FABP12: variants seen among roughly 807,000 people sequenced by gnomAD.
The protein encoded by FABP12 is fatty acid-binding protein 12.
A neutral mutation model predicts 13.7 loss-of-function variants in FABP12; 19 were observed. The observed-to-expected ratio is 1.39, with a 90% CI of 0.97 to 2.04. The LOEUF (loss-of-function observed/expected upper bound fraction) is 2.04. Ranked by LOEUF, FABP12 falls within the 30% of genes most tolerant of loss-of-function variation. The probability of loss-of-function intolerance (pLI) is 0.00; values close to 1 mark genes in which losing one functional copy is unlikely to be tolerated. For missense variants in FABP12, 182 were observed against 164.2 expected (o/e 1.11, Z -0.59); for synonymous variants, 61 against 57.0 (o/e 1.07, Z -0.32).
At chr8:81,528,582 AT>A in intron 3 of FABP12, among the ~76,000 whole-genome samples, 1 of 152,302 alleles carries the variant, frequency 6.6e-6, no homozygotes, top group East Asian at 1.9e-4. Context: ...GAGTTCATTC[AT>A]TCAAATAATA....
At chr8:81,560,582 A>G (rs1809706491) in intron 1 of FABP12, among the ~76,000 whole-genome samples, 1 of 152,240 alleles carries the variant, frequency 6.6e-6, no homozygotes, top group Non-Finnish European at 1.5e-5. Context: ...CCAGAGGAAC[A>G]CAACTTTGAA....
At chr8:81,578,985 C>T (rs1810107850) in intron 1 of FABP12, among the ~76,000 whole-genome samples, 1 of 151,472 alleles carries the variant, frequency 6.6e-6, no homozygotes, top group Non-Finnish European at 1.5e-5. Flanking sequence ...CCCGCCACCA[C>T]ACCCAGCTAA....
chr8:81,528,816 A>C (rs1009615770), intron 3 of FABP12, among the ~76,000 whole-genome samples: 5 of 152,168 alleles, frequency 3.3e-5, no homozygotes, highest in African/African-American at 1.2e-4. Flanking sequence ...AGACAATAAA[A>C]AGCCCATGTC....
At chr8:81,570,749 C>T (rs1177910115) in intron 1 of FABP12, among the ~76,000 whole-genome samples, 1 of 152,126 alleles carries the variant, frequency 6.6e-6, no homozygotes, top group Non-Finnish European at 1.5e-5. Context: ...ATCTCTCAGT[C>T]CTCTGCTGTG....
At chr8:81,573,670 G>C (rs1563556703) in intron 1 of FABP12, among the ~76,000 whole-genome samples, 1 of 151,990 alleles carries the variant, frequency 6.6e-6, no homozygotes, top group Non-Finnish European at 1.5e-5. Context: ...CGATTCCTTG[G>C]TTAGGTATAT....
At chr8:81,541,845 G>A (rs921976889) in intron 1 of FABP12, among the ~76,000 whole-genome samples, 10 of 128,306 alleles carry the variant, frequency 7.8e-5, no homozygotes, top group Admixed American at 1.5e-4. Flanking sequence ...ATAGGACAGC[G>A]TGTAGAAATA....
At chr8:81,545,099 C>T (rs931314856) in intron 1 of FABP12, among the ~76,000 whole-genome samples, 2 of 152,138 alleles carry the variant, frequency 1.3e-5, no homozygotes, top group Non-Finnish European at 2.9e-5. Context: ...TGGCTCACTG[C>T]AACCTCCACC....
At chr8:81,539,492 G>A (rs1378948060) in intron 2 of FABP12, among the ~76,000 whole-genome samples, 6 of 104,038 alleles carry the variant, frequency 5.8e-5, no homozygotes, top group African/African-American at 1.5e-4. Context: ...ACCCACTCCC[G>A]TCAATTTTCT....
chr8:81,569,129 C>A (rs116172795), intron 1 of FABP12, among the ~76,000 whole-genome samples: 2,184 of 152,082 alleles, frequency 0.014, 43 homozygotes, highest in African/African-American at 0.049. Flanking sequence ...GTAACACACA[C>A]AAAAAATAAA....
At chr8:81,544,171 G>A (rs1809397813) in intron 1 of FABP12, among the ~76,000 whole-genome samples, 1 of 152,168 alleles carries the variant, frequency 6.6e-6, no homozygotes, top group South Asian at 2.1e-4. Context: ...AAAGGGAGGA[G>A]TTTATTAGAT....
chr8:81,571,910 T>G (rs1358658184), intron 1 of FABP12, among the ~76,000 whole-genome samples: 1 of 151,930 alleles, frequency 6.6e-6, no homozygotes, highest in Non-Finnish European at 1.5e-5. Context: ...ATGCTTACTA[T>G]TAAGATTTTT....
intron 3 of FABP12, 106 bp downstream of exon 3, chr8:81,529,332 C>CCT: frequency 9.1e-7 from 1 of 1,102,730 alleles, no homozygotes; most frequent in Non-Finnish European, 1.4e-6. Flanking sequence ...GACAAAAGTT[C>CCT]CTCTTAAGGA....
chr8:81,569,901 C>T (rs1809893388), intron 1 of FABP12, among the ~76,000 whole-genome samples: 3 of 152,326 alleles, frequency 2.0e-5, no homozygotes, highest in Non-Finnish European at 2.9e-5. Flanking sequence ...CTACTGGGCT[C>T]GTTCTGCCCG....
chr8:81,534,371 C>T (rs981806859), upstream of FABP12, among the ~76,000 whole-genome samples: 1 of 152,164 alleles, frequency 6.6e-6, no homozygotes, highest in South Asian at 2.1e-4. Flanking sequence ...AAGAGTCCCA[C>T]AAGAATTTTG....
chr8:81,574,510 T>C (rs1809997193), intron 1 of FABP12, among the ~76,000 whole-genome samples: 2 of 152,128 alleles, frequency 1.3e-5, no homozygotes, highest in African/African-American at 2.4e-5. Flanking sequence ...TCTTGTAGAA[T>C]AGTGTCAATA....
intron 1 of FABP12, among the ~76,000 whole-genome samples, chr8:81,583,737 G>A (rs1437360839): frequency 6.6e-6 from 1 of 152,086 alleles, no homozygotes; most frequent in Non-Finnish European, 1.5e-5. Context: ...GGAATCGATA[G>A]CTGCACAGCT....
intron 1 of FABP12, among the ~76,000 whole-genome samples, chr8:81,579,785 G>A (rs771990605): frequency 2.5e-4 from 38 of 152,164 alleles, no homozygotes; most frequent in Non-Finnish European, 5.1e-4. Context: ...ATGATGTAAA[G>A]TCAAAGGTTT....
intron 1 of FABP12, among the ~76,000 whole-genome samples, chr8:81,587,232 T>G (rs1454534098): frequency 6.6e-6 from 1 of 152,166 alleles, no homozygotes; most frequent in Non-Finnish European, 1.5e-5. Flanking sequence ...AATGTGATGC[T>G]CCCAGGTTCG....
At chr8:81,533,067 C>T (rs1319566663) in intron 1 of FABP12, 1 of 152,176 alleles carries the variant, frequency 6.6e-6, no homozygotes, top group African/African-American at 2.4e-5. Context: ...CAAGGAAAAT[C>T]ACGATTGAAG....
Sources: allele counts gnomAD v4.1 joint callset (sites outside exome capture counted in the v4.1 genomes callset), GRCh38; gene constraint gnomAD v4.1.1; transcripts MANE v1.5; gene names NCBI Gene and HGNC (gene_info 2026-07-23, HGNC 2026-07-21).